The following SLCO3A1 variants were observed in gnomAD, a reference collection of about 807,000 sequenced individuals.
SLCO3A1 encodes the protein solute carrier organic anion transporter family member 3A1, also known as PGE1 transporter.
Under a neutral mutation model 63.1 loss-of-function variants are expected in SLCO3A1, and 27 were observed. That is an observed-to-expected ratio of 0.43 (90% CI 0.32 to 0.59). The LOEUF is 0.59. Among genes scored for constraint, SLCO3A1 ranks in the 20% least tolerant of loss-of-function variants. The probability of loss-of-function intolerance (pLI) is 0.09; values close to 1 mark genes in which losing one functional copy is unlikely to be tolerated. For synonymous variants in SLCO3A1, 473 were observed against 409.9 expected, an observed-to-expected ratio of 1.15 and a Z score of -1.86; for missense variants, 773 against 945.8, an observed-to-expected ratio of 0.82 and a Z score of 2.40.
rs1567043108 is a variant in SLCO3A1 at position 91,968,228 on chromosome 15, G to A, written c.646+51770G>A. Among the ~76,000 whole-genome samples, 1 of 152,240 alleles carries A rather than the reference G, an allele frequency of 6.6e-6. No homozygotes were observed. Among genetic ancestry groups the A allele is most frequent in the South Asian group, 2.1e-4 (1 of 4,820 alleles). Reference sequence around the variant, plus strand: ...GCCGGATCAGAGACTGGAAAAGTCTGTATGCCCCCTCCCTACCTTACAGTC... The same window carrying A: ...GCCGGATCAGAGACTGGAAAAGTCTATATGCCCCCTCCCTACCTTACAGTC... On this transcript the variant is annotated intron_variant, in intron 2 of 9. Coordinates refer to ENST00000318445, the MANE Select transcript of SLCO3A1 (RefSeq NM_013272.4). This position sits in a 1 kb window ranked among gnomAD's most constrained non-coding sequence, Gnocchi z 4.2.
rs1023666413 is a variant in SLCO3A1 at position 91,912,068 on chromosome 15, C to G, written c.181-3925C>G. Among the ~76,000 whole-genome samples, 1 of 151,598 alleles carries G rather than the reference C, an allele frequency of 6.6e-6. No individual in the cohort carries two copies. The highest frequency in any genetic ancestry group is 1.5e-5 in the Non-Finnish European group (1 of 67,962). On this transcript the variant is annotated intron_variant, in intron 1 of 9. Transcript: ENST00000318445. This position sits in a 1 kb window ranked among gnomAD's most constrained non-coding sequence, Gnocchi z 5.0. Reference sequence around the variant, plus strand: ...ATATACACTTGGTTCAGGATAAGGACGCTTCCTCTTTCCTTTTCCTCTTGC... The same window carrying G: ...ATATACACTTGGTTCAGGATAAGGAGGCTTCCTCTTTCCTTTTCCTCTTGC...
chr15:91,904,522 T>C (rs923596400), intron 1 of SLCO3A1, among the ~76,000 whole-genome samples: 2 of 152,316 alleles, frequency 1.3e-5, no homozygotes, highest in Non-Finnish European at 2.9e-5. Flanking sequence ...TTAATATCCA[T>C]TGGTCCTGTG....
intron 2 of SLCO3A1, among the ~76,000 whole-genome samples, chr15:91,936,126 C>T (rs551983144): frequency 6.6e-5 from 10 of 152,280 alleles, no homozygotes; most frequent in African/African-American, 2.4e-4. Context: ...AATGATAATA[C>T]TGTGTCTCTT....
chr15:92,115,899 T>TTTA (rs1214949050), intron 4 of SLCO3A1, among the ~76,000 whole-genome samples: 1 of 150,748 alleles, frequency 6.6e-6, no homozygotes, highest in Non-Finnish European at 1.5e-5. Context: ...GCAGAAATTT[T>TTTA]TTATTATTAT....
intron 9 of SLCO3A1, among the ~76,000 whole-genome samples, chr15:92,151,972 TCGCAGTAG>T (rs2048311473): frequency 1.3e-5 from 2 of 152,294 alleles, no homozygotes; most frequent in East Asian, 3.9e-4. Context: ...TGGTCTATAA[TCGCAGTAG>T]GATTTATGTT....
intron 9 of SLCO3A1, among the ~76,000 whole-genome samples, chr15:92,161,123 C>T (rs913815024): frequency 6.6e-6 from 1 of 152,198 alleles, no homozygotes; most frequent in African/African-American, 2.4e-5. Context: ...TTGGCCACAC[C>T]TAGTTCCAGA....
At chr15:91,874,659 G>T (rs1897356638) in intron 1 of SLCO3A1, among the ~76,000 whole-genome samples, 1 of 152,200 alleles carries the variant, frequency 6.6e-6, no homozygotes, top group Non-Finnish European at 1.5e-5. Context: ...CACTTCCGTT[G>T]CTTCCACATG....
chr15:91,917,337 G>A (rs981772232), intron 2 of SLCO3A1, among the ~76,000 whole-genome samples: 4 of 152,174 alleles, frequency 2.6e-5, no homozygotes, highest in African/African-American at 9.7e-5. Flanking sequence ...GTGCCTTGAG[G>A]TAGAAAGTTA....
At chr15:91,955,364 G>A (rs565545957) in intron 2 of SLCO3A1, among the ~76,000 whole-genome samples, 221 of 147,836 alleles carry the variant, frequency 1.5e-3, no homozygotes, top group African/African-American at 4.0e-3. Flanking sequence ...ACAGAGTCTC[G>A]CTCTGTCACC....
chr15:91,992,816 A>G (rs1404081621), intron 2 of SLCO3A1, among the ~76,000 whole-genome samples: 2 of 152,184 alleles, frequency 1.3e-5, no homozygotes, highest in African/African-American at 2.4e-5. Flanking sequence ...AGTTAAGGCA[A>G]TGGCACAATT....
In SLCO3A1 at chr15:91,854,138, T is replaced by G; in HGVS notation, c.180+50T>G. ...GCGGGCCCCTTCCCCAGCCCGGCTC[T>G]CGAGCGGCCGCCTGGCCCGACGAGG... On this transcript the variant is annotated intron_variant, in intron 1 of 9. Transcript: ENST00000318445. The surrounding 1 kb of genome is among the most constrained non-coding windows in gnomAD (Gnocchi z 6.4). 7.4e-7 allele frequency: 1 copy of G among 1,347,404 alleles called. No individual in the cohort carries two copies. 83.5% of individuals were successfully genotyped at this position (1,347,404 alleles called of 1,614,324 possible). A position where few individuals can be genotyped will look rare whatever the true frequency, so the allele number is the denominator to read the frequency against.
intron 2 of SLCO3A1, among the ~76,000 whole-genome samples, chr15:91,978,487 T>C (rs868085740): frequency 3.9e-5 from 6 of 152,218 alleles, no homozygotes; most frequent in South Asian, 2.1e-4. Flanking sequence ...CCCTGGTCCA[T>C]ACTGCAAAGA....
At chr15:92,075,106 G>A (rs1277117964) in intron 2 of SLCO3A1, among the ~76,000 whole-genome samples, 1 of 152,130 alleles carries the variant, frequency 6.6e-6, no homozygotes, top group Non-Finnish European at 1.5e-5. Flanking sequence ...CTACCCCTCT[G>A]AAGACAGCCA....
chr15:91,947,475 T>C (rs1899848525), intron 2 of SLCO3A1, among the ~76,000 whole-genome samples: 1 of 152,164 alleles, frequency 6.6e-6, no homozygotes, highest in Non-Finnish European at 1.5e-5. Flanking sequence ...CTTCTTCCCT[T>C]TTTTCTCTGC....
At chr15:92,139,050 T>A (rs1249903406) in intron 7 of SLCO3A1, among the ~76,000 whole-genome samples, 1 of 140,292 alleles carries the variant, frequency 7.1e-6, no homozygotes, top group Non-Finnish European at 1.5e-5. Context: ...CCCTGTCTTG[T>A]GCCAGTTTTC....
chr15:91,937,486 G>A (rs771747008), intron 2 of SLCO3A1, among the ~76,000 whole-genome samples: 7 of 152,154 alleles, frequency 4.6e-5, no homozygotes, highest in Non-Finnish European at 7.3e-5. Flanking sequence ...TCCGGAGGCC[G>A]AGGTGGGCAG....
At chr15:92,136,053 T>A (rs2048053248) in intron 7 of SLCO3A1, among the ~76,000 whole-genome samples, 2 of 152,058 alleles carry the variant, frequency 1.3e-5, no homozygotes, top group Non-Finnish European at 2.9e-5. Context: ...GCCCAGGAGT[T>A]TGAGACTGCA....
At chr15:91,857,019 A>C (rs1896936992) in intron 1 of SLCO3A1, among the ~76,000 whole-genome samples, 1 of 150,072 alleles carries the variant, frequency 6.7e-6, no homozygotes, top group Non-Finnish European at 1.5e-5. Flanking sequence ...CAACTTTGAG[A>C]AGGAGGACTC....
chr15:92,096,948 A>C (rs1442279067), intron 3 of SLCO3A1, among the ~76,000 whole-genome samples: 2 of 152,226 alleles, frequency 1.3e-5, no homozygotes, highest in African/African-American at 4.8e-5. Flanking sequence ...GACACAGGAC[A>C]CATGAAGTGA....
Sources: allele counts gnomAD v4.1 joint callset (sites outside exome capture counted in the v4.1 genomes callset), GRCh38; gene constraint gnomAD v4.1.1; non-coding constraint Gnocchi (gnomAD v3.1); transcripts MANE v1.5; gene names NCBI Gene and HGNC (gene_info 2026-07-23, HGNC 2026-07-21).